VPS13B: variants seen among roughly 807,000 people sequenced by gnomAD.
VPS13B encodes intermembrane lipid transfer protein VPS13B.
A neutral mutation model predicts 426.4 loss-of-function variants in VPS13B; 285 were observed. The ratio of observed to expected loss-of-function variants is 0.67; its 90% CI spans 0.61 to 0.74. VPS13B has a LOEUF of 0.74. Among genes scored for constraint, VPS13B ranks in the 30% least tolerant of loss-of-function variants. The pLI is 0.00. For missense variants in VPS13B, 4,537 were observed against 4,782.6 expected, an observed-to-expected ratio of 0.95 and a Z score of 1.51; for synonymous variants, 1,676 against 1,676.4, an observed-to-expected ratio of 1.00 and a Z score of 0.01.
intron 17 of VPS13B, among the ~76,000 whole-genome samples, chr8:99,264,046 G>T (rs1183494304): frequency 6.6e-6 from 1 of 151,742 alleles, no homozygotes; most frequent in Admixed American, 6.6e-5. Flanking sequence ...TTGTATTCTT[G>T]GAGTTAATAA....
chr8:99,825,196 T>C (rs907389586), intron 51 of VPS13B, among the ~76,000 whole-genome samples: 2 of 152,208 alleles, frequency 1.3e-5, no homozygotes, highest in Non-Finnish European at 2.9e-5. Context: ...CCACCAACAG[T>C]GTAAAAGTGT....
intron 43 of VPS13B, 36 bp from the exon 44 acceptor site, chr8:99,809,339 G>A (rs747738978): frequency 1.5e-5 from 25 of 1,613,374 alleles, no homozygotes; most frequent in Middle Eastern, 1.6e-4. Flanking sequence ...TTGTTGGCAC[G>A]TTTGGCATTA....
chr8:99,132,242 A>G (rs965499067), intron 8 of VPS13B, among the ~76,000 whole-genome samples: 2 of 152,126 alleles, frequency 1.3e-5, no homozygotes, highest in Non-Finnish European at 2.9e-5. Context: ...CTTTTCAAAC[A>G]CTACTGCTGC....
At chr8:99,133,585 G>A (rs1360415208) in intron 8 of VPS13B, among the ~76,000 whole-genome samples, 2 of 152,100 alleles carry the variant, frequency 1.3e-5, no homozygotes, top group Admixed American at 1.3e-4. Context: ...ATCATTTCTA[G>A]CTTTTGATTT....
At chr8:99,655,457 G>C (rs1829987944) in intron 34 of VPS13B, among the ~76,000 whole-genome samples, 1 of 152,162 alleles carries the variant, frequency 6.6e-6, no homozygotes, top group African/African-American at 2.4e-5. Flanking sequence ...CTGCTGTTGT[G>C]TTAAGTGCTC....
At chr8:99,086,772 G>A (rs1845833101) in intron 3 of VPS13B, among the ~76,000 whole-genome samples, 1 of 152,198 alleles carries the variant, frequency 6.6e-6, no homozygotes, top group Admixed American at 6.5e-5. Context: ...CAGAACAGTG[G>A]ATATTGGTGA....
chr8:99,393,953 A>G (rs1814594191), intron 21 of VPS13B, among the ~76,000 whole-genome samples: 2 of 152,276 alleles, frequency 1.3e-5, no homozygotes, highest in Non-Finnish European at 2.9e-5. Flanking sequence ...GTAGTTATCA[A>G]TCACTGTTTT....
At chr8:99,760,231 C>T (rs1022414845) in intron 39 of VPS13B, among the ~76,000 whole-genome samples, 7 of 152,132 alleles carry the variant, frequency 4.6e-5, no homozygotes, top group Non-Finnish European at 1.0e-4. Context: ...GATCCACTTG[C>T]CTCAGCCTCC....
intron 19 of VPS13B, among the ~76,000 whole-genome samples, chr8:99,328,884 CTACTT>C (rs1810415332): frequency 1.3e-5 from 2 of 152,176 alleles, no homozygotes; most frequent in East Asian, 3.9e-4. Flanking sequence ...AAAGGAAAAT[CTACTT>C]TACGTCTCTT....
intron 4 of VPS13B, among the ~76,000 whole-genome samples, chr8:99,101,876 TATGGTTATTTC>T (rs914916189): frequency 2.0e-5 from 3 of 152,184 alleles, no homozygotes; most frequent in African/African-American, 4.8e-5. Flanking sequence ...AATACAACCA[TATGGTTATTTC>T]ATGAAATAGC....
chr8:99,688,133 C>CTTTTTTTTTT (rs1307921649), intron 35 of VPS13B, among the ~76,000 whole-genome samples: 4 of 113,092 alleles, frequency 3.5e-5, no homozygotes, highest in African/African-American at 1.3e-4. Context: ...TCCTTGCTTG[C>CTTTTTTTTTT]TTTTTTTTTT....
chr8:99,629,432 T>G (rs1828747965), intron 33 of VPS13B, among the ~76,000 whole-genome samples: 1 of 151,770 alleles, frequency 6.6e-6, no homozygotes, highest in Non-Finnish European at 1.5e-5. Context: ...CAATATAGAG[T>G]GTAAGGATTA....
At chr8:99,758,514 GTTATCTT>G (rs1353143886) in intron 39 of VPS13B, among the ~76,000 whole-genome samples, 3 of 152,290 alleles carry the variant, frequency 2.0e-5, no homozygotes, top group African/African-American at 7.2e-5. Flanking sequence ...AGGTAGCATT[GTTATCTT>G]TAAGAATACT....
intron 3 of VPS13B, among the ~76,000 whole-genome samples, chr8:99,051,968 A>C (rs1457526312): frequency 6.6e-6 from 1 of 152,202 alleles, no homozygotes; most frequent in Non-Finnish European, 1.5e-5. Flanking sequence ...CAATCATGTC[A>C]TCCACAAACA....
chr8:99,739,308 G>A (rs985759202), intron 39 of VPS13B, among the ~76,000 whole-genome samples: 1 of 152,228 alleles, frequency 6.6e-6, no homozygotes, highest in African/African-American at 2.4e-5. Flanking sequence ...GCTTGAGTAG[G>A]TAAACAAAGT....
chr8:99,623,327 A>G (rs564539568), intron 33 of VPS13B, among the ~76,000 whole-genome samples: 1 of 152,316 alleles, frequency 6.6e-6, no homozygotes, highest in East Asian at 1.9e-4. Context: ...GTCTTCCTGT[A>G]GAACCCTTCC....
intron 36 of VPS13B, among the ~76,000 whole-genome samples, chr8:99,709,344 A>G (rs1039651457): frequency 6.6e-6 from 1 of 152,204 alleles, no homozygotes; most frequent in Non-Finnish European, 1.5e-5. Context: ...CTAAGGGTCT[A>G]GTAGACACTG....
intron 17 of VPS13B, among the ~76,000 whole-genome samples, chr8:99,203,232 C>A (rs1203485438): frequency 1.3e-5 from 2 of 152,118 alleles, no homozygotes; most frequent in Admixed American, 6.5e-5. Context: ...TAAACATAAT[C>A]CATCACATAA....
At chr8:99,362,878 G>A (rs1274379030) in intron 19 of VPS13B, among the ~76,000 whole-genome samples, 2 of 152,144 alleles carry the variant, frequency 1.3e-5, no homozygotes, top group African/African-American at 2.4e-5. Flanking sequence ...TTTACCATTT[G>A]TATGTCTTCT....
Sources: allele counts gnomAD v4.1 joint callset (sites outside exome capture counted in the v4.1 genomes callset), GRCh38; gene constraint gnomAD v4.1.1; transcripts MANE v1.5; gene names NCBI Gene and HGNC (gene_info 2026-07-23, HGNC 2026-07-21).